NCKAP5: variants seen among roughly 807,000 people sequenced by gnomAD.
NCKAP5 encodes the protein NCK associated protein 5, also known as nck-associated protein 5.
Under a neutral mutation model 167.0 loss-of-function variants are expected in NCKAP5, and 92 were observed. The observed-to-expected ratio is 0.55, with a 90% CI of 0.47 to 0.66. NCKAP5 has a LOEUF of 0.66. NCKAP5 is among the 30% of genes least tolerant of loss of function. The pLI is 0.00. For synonymous variants in NCKAP5, 891 were observed against 877.4 expected (o/e 1.02, Z -0.27); for missense variants, 2,378 against 2,315.0 (o/e 1.03, Z -0.56).
At chr2:132,701,503 CTCTT>C (rs1687882355) in intron 19 of NCKAP5, among the ~76,000 whole-genome samples, 1 of 151,548 alleles carries the variant, frequency 6.6e-6, no homozygotes, top group African/African-American at 2.5e-5. Flanking sequence ...AGGTCTCTTT[CTCTT>C]TCTATTACAT....
intron 8 of NCKAP5, among the ~76,000 whole-genome samples, chr2:132,903,374 T>C (rs1450350030): frequency 6.6e-6 from 1 of 152,222 alleles, no homozygotes; most frequent in Admixed American, 6.5e-5. Context: ...TTCTATTGGA[T>C]AGTACTATTT....
chr2:132,865,313 A>G (rs1690254278), intron 10 of NCKAP5, among the ~76,000 whole-genome samples: 1 of 152,170 alleles, frequency 6.6e-6, no homozygotes, highest in South Asian at 2.1e-4. Context: ...CCTTCGGATT[A>G]AACCACTTAT....
intron 6 of NCKAP5, among the ~76,000 whole-genome samples, chr2:133,081,922 G>T (rs1162398271): frequency 3.3e-5 from 5 of 152,094 alleles, no homozygotes; most frequent in African/African-American, 4.8e-5. Flanking sequence ...TACATGTGCA[G>T]GTATTTTATA....
At chr2:133,658,590 G>A in the NCKAP5 span, among the ~76,000 whole-genome samples, 1 of 152,110 alleles carries the variant, frequency 6.6e-6, no homozygotes, top group Admixed American at 6.5e-5. Flanking sequence ...CTCAGGCTTG[G>A]CCAGCCAAAC....
chr2:133,608,209 T>C, the NCKAP5 span, among the ~76,000 whole-genome samples: 7 of 152,160 alleles, frequency 4.6e-5, no homozygotes, highest in African/African-American at 1.7e-4. Context: ...TTATTAAAAC[T>C]CCCCTTTATA....
intron 5 of NCKAP5, among the ~76,000 whole-genome samples, chr2:133,169,588 A>AG (rs1004583003): frequency 1.8e-4 from 27 of 152,308 alleles, no homozygotes; most frequent in African/African-American, 6.5e-4. Context: ...TGCTGCCTGC[A>AG]GGGACTTCTG....
At chr2:133,163,882 G>A (rs937816745) in intron 5 of NCKAP5, among the ~76,000 whole-genome samples, 3 of 151,912 alleles carry the variant, frequency 2.0e-5, no homozygotes, top group Non-Finnish European at 4.4e-5. Flanking sequence ...CCGTAACTAG[G>A]TAAGAACCTT....
chr2:133,266,698 C>A (rs1574546477), intron 4 of NCKAP5, among the ~76,000 whole-genome samples: 2 of 152,206 alleles, frequency 1.3e-5, no homozygotes, highest in East Asian at 1.9e-4. Context: ...GCAGCCCGGG[C>A]ACCTCGCGCT....
At chr2:133,046,084 T>G (rs992177795) in intron 6 of NCKAP5, among the ~76,000 whole-genome samples, 2 of 152,010 alleles carry the variant, frequency 1.3e-5, no homozygotes, top group African/African-American at 4.8e-5. Context: ...CTCAGAAGAG[T>G]GCCATTTAAA....
At chr2:133,121,262 A>G (rs188810637) in intron 6 of NCKAP5, among the ~76,000 whole-genome samples, 1 of 152,270 alleles carries the variant, frequency 6.6e-6, no homozygotes, top group African/African-American at 2.4e-5. Flanking sequence ...AGTAACCTGT[A>G]GGTTCAAAGA....
At chr2:133,623,931 G>GTA in the NCKAP5 span, among the ~76,000 whole-genome samples, 1 of 152,042 alleles carries the variant, frequency 6.6e-6, no homozygotes, top group African/African-American at 2.4e-5. Context: ...AGAAAATATG[G>GTA]TATATATATA....
intron 6 of NCKAP5, among the ~76,000 whole-genome samples, chr2:133,061,882 T>C (rs1025221228): frequency 6.6e-6 from 1 of 152,152 alleles, no homozygotes; most frequent in Non-Finnish European, 1.5e-5. Context: ...CCTAAACACC[T>C]TTCTCCACTC....
At chr2:133,200,215 T>C (rs2085626459) in intron 5 of NCKAP5, among the ~76,000 whole-genome samples, 1 of 152,082 alleles carries the variant, frequency 6.6e-6, no homozygotes. Context: ...ACTATAGTAG[T>C]ATTTGTGTTA....
the NCKAP5 span, among the ~76,000 whole-genome samples, chr2:133,606,626 G>C: frequency 3.3e-5 from 5 of 151,416 alleles, no homozygotes; most frequent in African/African-American, 9.8e-5. Context: ...TGGGCTCATA[G>C]AGCGGGACAG....
At chr2:133,375,568 T>A (rs543577022) in intron 3 of NCKAP5, among the ~76,000 whole-genome samples, 1 of 152,332 alleles carries the variant, frequency 6.6e-6, no homozygotes, top group African/African-American at 2.4e-5. Flanking sequence ...CCATTAGTTA[T>A]TTTTCCTGAT....
intron 5 of NCKAP5, among the ~76,000 whole-genome samples, chr2:133,170,540 T>A (rs2149987078): frequency 6.6e-6 from 1 of 152,346 alleles, no homozygotes; most frequent in Middle Eastern, 3.4e-3. Flanking sequence ...TGCAGAATCA[T>A]CTCTACCTCT....
intron 6 of NCKAP5, among the ~76,000 whole-genome samples, chr2:133,011,777 G>C (rs1453630278): frequency 1.3e-5 from 2 of 152,258 alleles, no homozygotes; most frequent in Non-Finnish European, 2.9e-5. Context: ...TTTTCAGTTT[G>C]GACAGAAGGG....
At chr2:132,895,137 C>T (rs1490779369) in intron 8 of NCKAP5, among the ~76,000 whole-genome samples, 2 of 151,942 alleles carry the variant, frequency 1.3e-5, no homozygotes, top group African/African-American at 2.4e-5. Context: ...GGAGACCTTC[C>T]TGGCTAACAC....
intron 3 of NCKAP5, among the ~76,000 whole-genome samples, chr2:133,498,176 T>C (rs1327196382): frequency 6.6e-6 from 1 of 152,176 alleles, no homozygotes; most frequent in African/African-American, 2.4e-5. Flanking sequence ...AGCTTAGCCT[T>C]TGAGAGCTGT....
Sources: gnomAD v4.1 joint callset for allele counts (sites outside exome capture counted in the v4.1 genomes callset) on GRCh38, gnomAD v4.1.1 for gene constraint, MANE v1.5 for transcripts, NCBI Gene and HGNC (gene_info 2026-07-23, HGNC 2026-07-21) for gene names.